ZNF469: variants seen among roughly 807,000 people sequenced by gnomAD.
ZNF469 encodes the protein zinc finger protein 469.
ZNF469 carries 1 observed loss-of-function variant against 1.0 expected under a neutral mutation model. That is an observed-to-expected ratio of 1.00 (90% CI 0.35 to 4.73). ZNF469 has a LOEUF of 4.73. ZNF469 is among the 30% of genes most tolerant of loss of function. The pLI is 0.16. For missense variants in ZNF469, 6,100 were observed against 5,356.3 expected, an observed-to-expected ratio of 1.14 and a Z score of -4.33; for synonymous variants, 2,703 against 2,363.4, an observed-to-expected ratio of 1.14 and a Z score of -4.17.
the ZNF469 span, among the ~76,000 whole-genome samples, chr16:88,259,479 C>A: frequency 6.6e-6 from 1 of 152,208 alleles, no homozygotes; most frequent in South Asian, 2.1e-4. This position sits in a 1 kb window ranked among gnomAD's most constrained non-coding sequence, Gnocchi z 4.1. Flanking sequence ...TGCTTCTCCT[C>A]CGCTGCAGAA....
At chr16:88,289,750 G>A in the ZNF469 span, among the ~76,000 whole-genome samples, 1 of 152,190 alleles carries the variant, frequency 6.6e-6, no homozygotes, top group Admixed American at 6.5e-5. Flanking sequence ...CGTGCCTTAA[G>A]GTCCTGGTAA....
the ZNF469 span, among the ~76,000 whole-genome samples, chr16:88,324,154 G>A: frequency 6.4e-4 from 98 of 152,334 alleles, 2 homozygotes; most frequent in East Asian, 0.017. Context: ...GGCCTGTTCG[G>A]GGCTACTTGG....
chr16:88,429,344 T>G lies in ZNF469; in HGVS notation c.1874T>G (p.Leu625Arg), dbSNP rs1017354019. 12 of 1,549,590 alleles carry G rather than the reference T, an allele frequency of 7.7e-6. No individual in the cohort carries two copies. In the African/African-American group the frequency reaches 1.5e-4, roughly 19 times the overall value. The change falls in exon 3 of 3, where the codon CTC (leucine) becomes CGC (arginine). Residue 625 changes from leucine to arginine, a missense_variant. By Grantham distance (102) the Leu-to-Arg change is moderately radical. Transcript: ENST00000565624. ...PANPSSEESQ[L>R]PGPLGPSAFF... Reference sequence around the variant, plus strand: ...AACCCCAGCTCAGAGGAAAGCCAGCTCCCCGGCCCCCTCGGGCCCTCGGCC... The same window carrying G: ...AACCCCAGCTCAGAGGAAAGCCAGCGCCCCGGCCCCCTCGGGCCCTCGGCC...
At chr16:88,228,789 A>G in the ZNF469 span, among the ~76,000 whole-genome samples, 2 of 151,836 alleles carry the variant, frequency 1.3e-5, no homozygotes, top group Non-Finnish European at 2.9e-5. Context: ...TTTTCATACA[A>G]CTCCTGGGAG....
In ZNF469 at chr16:88,429,138, T is replaced by A. The variant is rs2142299965; in HGVS notation, c.1668T>A (p.Pro556=). 1 of 1,549,912 alleles carries A rather than the reference T, an allele frequency of 6.5e-7. No individual in the cohort carries two copies. Among genetic ancestry groups the A allele is most frequent in the East Asian group, 2.4e-5 (1 of 40,880 alleles). The part of the protein sequence containing the change: ...ALFTYNGMTD[P]GAQPLFFGVA... Reference sequence around the variant, plus strand: ...TCACCTACAACGGAATGACAGACCCTGGGGCTCAGCCCCTGTTCTTCGGGG... The same window carrying A: ...TCACCTACAACGGAATGACAGACCCAGGGGCTCAGCCCCTGTTCTTCGGGG... Residue 556 remains proline, a synonymous_variant, in exon 3 of 3, where the codon CCT becomes CCA. Coordinates refer to ENST00000565624, the MANE Select transcript of ZNF469 (RefSeq NM_001367624.2).
At chr16:88,195,991 C>T in the ZNF469 span, among the ~76,000 whole-genome samples, 7 of 152,350 alleles carry the variant, frequency 4.6e-5, no homozygotes, top group African/African-American at 1.7e-4. Context: ...GAGGCTGCGT[C>T]GTGATCCACA....
chr16:88,178,245 C>T, the ZNF469 span: 1 of 150,752 alleles, frequency 6.6e-6, no homozygotes, highest in African/African-American at 2.4e-5. Context: ...ATCCTGCAAA[C>T]AGGGAAATGA....
the ZNF469 span, among the ~76,000 whole-genome samples, chr16:88,288,128 G>C: frequency 3.9e-5 from 6 of 152,116 alleles, no homozygotes; most frequent in East Asian, 9.7e-4. Flanking sequence ...CGTGCCCTGT[G>C]GTCAGTCAAC....
the ZNF469 span, among the ~76,000 whole-genome samples, chr16:88,265,532 G>T: frequency 6.6e-6 from 1 of 152,060 alleles, no homozygotes; most frequent in African/African-American, 2.4e-5. Context: ...GGCAGTATCC[G>T]GCGGGGCCGG....
intron 1 of ZNF469, among the ~76,000 whole-genome samples, chr16:88,417,844 G>T (rs571517626): frequency 2.6e-5 from 4 of 152,234 alleles, no homozygotes; most frequent in Non-Finnish European, 2.9e-5. Context: ...GGGAGTGTGC[G>T]TGAGCCCACG....
chr16:88,313,159 AC>A, the ZNF469 span, among the ~76,000 whole-genome samples: 2 of 152,294 alleles, frequency 1.3e-5, no homozygotes, highest in East Asian at 3.9e-4. Flanking sequence ...TGGCTGAGGC[AC>A]ATTTCCTAAG....
chr16:88,333,207 C>T, the ZNF469 span, among the ~76,000 whole-genome samples: 1 of 152,182 alleles, frequency 6.6e-6, no homozygotes, highest in Non-Finnish European at 1.5e-5. Context: ...AGCCTCCACC[C>T]ACCCAGAGGG....
chr16:88,289,704 G>A, the ZNF469 span, among the ~76,000 whole-genome samples: 12 of 152,312 alleles, frequency 7.9e-5, no homozygotes, highest in Middle Eastern at 0.01. Flanking sequence ...GAGAGGGTGC[G>A]TAGGAGTGAA....
chr16:88,150,725 C>T, the ZNF469 span, among the ~76,000 whole-genome samples: 2 of 129,038 alleles, frequency 1.5e-5, no homozygotes, highest in Non-Finnish European at 3.1e-5. Flanking sequence ...GAGCTTTGAG[C>T]TTTCCAGGTT....
chr16:88,263,439 C>T, the ZNF469 span, among the ~76,000 whole-genome samples: 1 of 152,174 alleles, frequency 6.6e-6, no homozygotes, highest in Non-Finnish European at 1.5e-5. Flanking sequence ...GGGCCGCTCG[C>T]GGGAAGAGGT....
the ZNF469 span, among the ~76,000 whole-genome samples, chr16:88,126,679 A>T: frequency 1.3e-5 from 2 of 150,796 alleles, no homozygotes; most frequent in East Asian, 3.9e-4. Context: ...TTTGAGACAA[A>T]GTCTTGCTCT....
At chr16:88,343,944 G>A in the ZNF469 span, among the ~76,000 whole-genome samples, 6 of 152,258 alleles carry the variant, frequency 3.9e-5, no homozygotes, top group South Asian at 4.1e-4. Flanking sequence ...CGGCCAGGAG[G>A]TCAAGGTCAT....
the ZNF469 span, among the ~76,000 whole-genome samples, chr16:88,369,528 C>A: frequency 6.6e-6 from 1 of 152,234 alleles, no homozygotes; most frequent in Non-Finnish European, 1.5e-5. Context: ...CATGTCAGCC[C>A]ATTGCCCATT....
the ZNF469 span, among the ~76,000 whole-genome samples, chr16:88,358,723 A>T: frequency 1.3e-5 from 2 of 151,270 alleles, no homozygotes; most frequent in Middle Eastern, 3.4e-3. Flanking sequence ...TTTTTTTTTT[A>T]ATTTTTATTT....
Sources: allele counts gnomAD v4.1 joint callset (sites outside exome capture counted in the v4.1 genomes callset), GRCh38; gene constraint gnomAD v4.1.1; non-coding constraint Gnocchi (gnomAD v3.1); transcripts MANE v1.5; gene names NCBI Gene and HGNC (gene_info 2026-07-23, HGNC 2026-07-21).